The following NCAM1 variants were observed in gnomAD, a reference collection of about 807,000 sequenced individuals.
NCAM1 encodes the protein antigen recognized by monoclonal antibody 5.1H11.
In NCAM1, 14 loss-of-function variants were observed where a neutral mutation model predicts 109.8. The observed-to-expected ratio is 0.13, with a 90% CI of 0.08 to 0.20. NCAM1 has a LOEUF of 0.20. NCAM1 is among the 10% of genes least tolerant of loss of function. The probability of loss-of-function intolerance (pLI) is 1.00; values close to 1 mark genes in which losing one functional copy is unlikely to be tolerated. For synonymous variants in NCAM1, 418 were observed against 442.9 expected (o/e 0.94, Z 0.70); for missense variants, 774 against 1,109.9 (o/e 0.70, Z 4.30).
At chr11:112,996,542 C>T (rs1052818226) in intron 1 of NCAM1, among the ~76,000 whole-genome samples, 2 of 152,110 alleles carry the variant, frequency 1.3e-5, no homozygotes, top group South Asian at 4.1e-4. Flanking sequence ...CATCTTGATA[C>T]AAACGATTAT....
chr11:113,082,838 T>C (rs1555087520), intron 1 of NCAM1, among the ~76,000 whole-genome samples: 1 of 152,198 alleles, frequency 6.6e-6, no homozygotes, highest in African/African-American at 2.4e-5. Context: ...CAACCCTCTA[T>C]GTCCCTGGAG....
At chr11:113,200,817 C>T (rs1944031310) in intron 1 of NCAM1, among the ~76,000 whole-genome samples, 1 of 152,160 alleles carries the variant, frequency 6.6e-6, no homozygotes. Flanking sequence ...GCTGCGACCA[C>T]ATTCAGGAGA....
At chr11:113,077,956 G>A (rs1289115031) in intron 1 of NCAM1, among the ~76,000 whole-genome samples, 1 of 152,096 alleles carries the variant, frequency 6.6e-6, no homozygotes, top group East Asian at 1.9e-4. Context: ...CAAAGTGCTG[G>A]AATTACAGGC....
intron 1 of NCAM1, among the ~76,000 whole-genome samples, chr11:113,155,530 A>G (rs145147067): frequency 6.6e-6 from 1 of 152,024 alleles, no homozygotes; most frequent in African/African-American, 2.4e-5. Context: ...CAAAAAACAA[A>G]AAACAAAAAA....
intron 1 of NCAM1, among the ~76,000 whole-genome samples, chr11:113,178,683 AAAG>A (rs1226434035): frequency 6.6e-6 from 1 of 152,224 alleles, no homozygotes; most frequent in African/African-American, 2.4e-5. Context: ...TTGCAAAAAG[AAAG>A]AAGATGAATT....
chr11:113,042,363 C>A (rs1953109049), intron 1 of NCAM1, among the ~76,000 whole-genome samples: 1 of 152,240 alleles, frequency 6.6e-6, no homozygotes, highest in African/African-American at 2.4e-5. Context: ...ACCTCGGCCT[C>A]AGGCCTCTGC....
intron 1 of NCAM1, among the ~76,000 whole-genome samples, chr11:113,193,496 A>G (rs1402762425): frequency 1.3e-5 from 2 of 152,102 alleles, no homozygotes; most frequent in African/African-American, 2.4e-5. Flanking sequence ...TAATACAGAA[A>G]TTAGCAGGGC....
intron 1 of NCAM1, among the ~76,000 whole-genome samples, chr11:113,064,514 A>T (rs538443008): frequency 1.3e-5 from 2 of 151,982 alleles, no homozygotes; most frequent in East Asian, 3.9e-4. Context: ...CTTAAACTAT[A>T]TTTTTTTTAT....
chr11:113,003,807 G>A (rs1951818310), intron 1 of NCAM1: 1 of 152,228 alleles, frequency 6.6e-6, no homozygotes, highest in South Asian at 2.1e-4. Context: ...TGCAATGATC[G>A]GGGAAGGGGC....
intron 9 of NCAM1, among the ~76,000 whole-genome samples, chr11:113,225,508 G>A (rs1478346335): frequency 6.6e-6 from 1 of 152,226 alleles, no homozygotes; most frequent in Admixed American, 6.5e-5. Context: ...AAAACACTCT[G>A]CAGGAAATTA....
At chr11:112,985,746 A>G (rs1951283184) in intron 1 of NCAM1, among the ~76,000 whole-genome samples, 2 of 151,808 alleles carry the variant, frequency 1.3e-5, no homozygotes, top group South Asian at 4.1e-4. Context: ...TGATTTTTGT[A>G]TGTTGACTTT....
chr11:112,995,194 C>CT lies in NCAM1; in HGVS notation c.52+33530_52+33531insT, dbSNP rs1951562054. 3.3e-5 allele frequency among the ~76,000 whole-genome samples: 5 copies of CT among 152,036 alleles called. No homozygotes were observed. The South Asian group carries it at 1.0e-3, about 32-fold the overall frequency. Reference sequence around the variant, plus strand: ...GAATGCTAAACTGCATCCTACCCCCCGCCACTGGAATACATAAGCATTAAA... The same window carrying CT: ...GAATGCTAAACTGCATCCTACCCCCCTGCCACTGGAATACATAAGCATTAAA... On this transcript the variant is annotated intron_variant, in intron 1 of 19. Coordinates refer to ENST00000316851, the MANE Select transcript of NCAM1 (RefSeq NM_181351.5).
At chr11:113,229,592 C>T (rs1477502341) in intron 9 of NCAM1, among the ~76,000 whole-genome samples, 2 of 152,152 alleles carry the variant, frequency 1.3e-5, no homozygotes, top group Non-Finnish European at 2.9e-5. Flanking sequence ...GGTATATACC[C>T]AAAGGATTAC....
At chr11:113,222,188 T>C (rs1442060145) in intron 9 of NCAM1, among the ~76,000 whole-genome samples, 2 of 152,250 alleles carry the variant, frequency 1.3e-5, no homozygotes, top group African/African-American at 4.8e-5. Flanking sequence ...AAGTTGCCTT[T>C]GCCTTTTATC....
At chr11:113,161,697 A>T (rs1942605550) in intron 1 of NCAM1, among the ~76,000 whole-genome samples, 1 of 152,204 alleles carries the variant, frequency 6.6e-6, no homozygotes, top group African/African-American at 2.4e-5. Context: ...AAGCATGAGG[A>T]TGTAGTAAAA....
intron 1 of NCAM1, among the ~76,000 whole-genome samples, chr11:113,072,676 ACTCAGTATG>A (rs2135578425): frequency 6.6e-6 from 1 of 150,506 alleles, no homozygotes; most frequent in East Asian, 1.9e-4. Flanking sequence ...ATGTTTATTG[ACTCAGTATG>A]CATACTTGAG....
Position 113,204,372 on chromosome 11 carries a change from G to A in NCAM1, c.214G>A (p.Val72Met), listed in dbSNP as rs1555112455. ...CCCAAACCAGCAGCGGATCTCAGTG[G>A]TGTGGAATGATGATTCCTCCTCCAC... is the stretch of plus-strand genomic sequence containing the variant. ...LTPNQQRISVVWNDDSSSTLT... is the reference protein window; with the variant it reads ...LTPNQQRISVMWNDDSSSTLT... The change falls in exon 3 of 20, where the codon GTG (valine) becomes ATG (methionine). Residue 72 changes from valine (V) to methionine (M), a missense_variant. Physicochemically the swap from Val to Met is conservative, Grantham distance 21. Transcript: ENST00000316851. 6.2e-7 allele frequency: 1 copy of A among 1,614,024 alleles called. No homozygotes were observed. Among genetic ancestry groups the A allele is most frequent in the South Asian group, 1.1e-5 (1 of 91,070 alleles).
At chr11:113,001,586 C>T (rs991443087) in intron 1 of NCAM1, among the ~76,000 whole-genome samples, 2 of 152,106 alleles carry the variant, frequency 1.3e-5, no homozygotes, top group African/African-American at 2.4e-5. Flanking sequence ...GGTTGTGAAG[C>T]TGGCTCTTTC....
chr11:113,001,685 G>A (rs61055913), intron 1 of NCAM1, among the ~76,000 whole-genome samples: 3 of 152,268 alleles, frequency 2.0e-5, no homozygotes, highest in Non-Finnish European at 2.9e-5. Context: ...ATTGTAGGCC[G>A]AAGGCTGGTG....
Sources: allele counts gnomAD v4.1 joint callset (sites outside exome capture counted in the v4.1 genomes callset), GRCh38; gene constraint gnomAD v4.1.1; transcripts MANE v1.5; gene names NCBI Gene and HGNC (gene_info 2026-07-23, HGNC 2026-07-21).